PYGO1: variants seen among roughly 807,000 people sequenced by gnomAD.
PYGO1 encodes pygopus homolog 1.
Under a neutral mutation model 29.5 loss-of-function variants are expected in PYGO1, and 6 were observed. The ratio of observed to expected loss-of-function variants is 0.20; its 90% confidence interval spans 0.11 to 0.40. PYGO1 has a LOEUF of 0.40. PYGO1 is among the 10% of genes least tolerant of loss of function. PYGO1 has a pLI of 1.00. For synonymous variants in PYGO1, 186 were observed against 180.5 expected (o/e 1.03, Z -0.24); for missense variants, 515 against 514.9 (o/e 1.00, Z 0.00).
chr15:55,580,551 C>T (rs1002976462), intron 1 of PYGO1, among the ~76,000 whole-genome samples: 2 of 152,200 alleles, frequency 1.3e-5, no homozygotes, highest in African/African-American at 4.8e-5. Flanking sequence ...TCCAACAACT[C>T]CATGAGATAA....
At chr15:55,567,856 C>T (rs2058963696) in intron 1 of PYGO1, among the ~76,000 whole-genome samples, 1 of 152,122 alleles carries the variant, frequency 6.6e-6, no homozygotes, top group African/African-American at 2.4e-5. Flanking sequence ...GGGCCTTTCA[C>T]CATTGCTTGT....
At chr15:55,561,761 A>G (rs1417976067) in intron 1 of PYGO1, among the ~76,000 whole-genome samples, 1 of 152,216 alleles carries the variant, frequency 6.6e-6, no homozygotes, top group East Asian at 1.9e-4. Flanking sequence ...ACACTAAAAG[A>G]ATATCTAGGC....
intron 1 of PYGO1, among the ~76,000 whole-genome samples, 167 bp downstream of exon 1, chr15:55,587,668 C>T (rs939235545): frequency 6.6e-6 from 1 of 151,874 alleles, no homozygotes; most frequent in Non-Finnish European, 1.5e-5. Context: ...CCAGCGGGCG[C>T]CCGGGCCGCG....
At chr15:55,585,202 T>C (rs1316015191) in intron 1 of PYGO1, among the ~76,000 whole-genome samples, 1 of 152,240 alleles carries the variant, frequency 6.6e-6, no homozygotes, top group Non-Finnish European at 1.5e-5. Context: ...AATTGCTATA[T>C]GTGTGTATTT....
intron 1 of PYGO1, among the ~76,000 whole-genome samples, chr15:55,580,855 T>C (rs1272255340): frequency 6.6e-6 from 1 of 152,194 alleles, no homozygotes. Flanking sequence ...AAGACAGAAC[T>C]GTATCATCTT....
At chr15:55,581,203 G>A (rs1447160619) in intron 1 of PYGO1, among the ~76,000 whole-genome samples, 2 of 150,858 alleles carry the variant, frequency 1.3e-5, no homozygotes, top group South Asian at 2.1e-4. Context: ...CAACTGAACT[G>A]AAACTTTGAG....
At chr15:55,579,098 A>C (rs1362280510) in intron 1 of PYGO1, among the ~76,000 whole-genome samples, 1 of 152,208 alleles carries the variant, frequency 6.6e-6, no homozygotes, top group Non-Finnish European at 1.5e-5. Flanking sequence ...TGCTCTCCTC[A>C]AGGTCATTTT....
chr15:55,548,170 C>A (rs910186602), intron 2 of PYGO1, among the ~76,000 whole-genome samples: 1 of 151,992 alleles, frequency 6.6e-6, no homozygotes, highest in African/African-American at 2.4e-5. Flanking sequence ...CAGGAGTGTG[C>A]CACCACACCC....
chr15:55,548,707 T>TA lies in PYGO1; in HGVS notation c.135+202dup, dbSNP rs60796044. Among the ~76,000 whole-genome samples, 56 of 55,438 alleles carry TA rather than the reference T, an allele frequency of 1.0e-3. 5 individuals are homozygous for TA. Among genetic ancestry groups the TA allele is most frequent in the Non-Finnish European group, 1.3e-3 (45 of 33,452 alleles). The allele number at this position is 55,438 out of a possible 152,430, so 36.4% of individuals were successfully genotyped here. ...TCTGGCAACAGAGCAAGAATCCACCTAAAAAAAAAAAAAAAAAAAAAAAAA... is the reference window on the plus strand; with the variant it reads ...TCTGGCAACAGAGCAAGAATCCACCTAAAAAAAAAAAAAAAAAAAAAAAAAA... On this transcript the variant is annotated intron_variant, in intron 2 of 2. Coordinates refer to ENST00000563719, the MANE Select transcript of PYGO1 (RefSeq NM_001367806.1).
chr15:55,587,888 G>A lies in PYGO1; in HGVS notation c.-5C>T, dbSNP rs1217063683. 3 of 1,481,250 alleles carry A rather than the reference G, an allele frequency of 2.0e-6. No homozygotes were observed. The highest frequency in any genetic ancestry group is 2.8e-5 in the East Asian group (1 of 35,334). The allele number at this position is 1,481,250 out of a possible 1,614,324, so 91.8% of individuals were successfully genotyped here. A position where few individuals can be genotyped will look rare whatever the true frequency, so the allele number is the denominator to read the frequency against. On this transcript the variant is annotated 5_prime_UTR_variant, in exon 1 of 3. Transcript: ENST00000563719. Reference sequence around the variant, plus strand: ...CTTCTCCTGTTCTGCTGACATTACAGACCGCAAAGCATGACTCCCCCCCAG... The same window carrying A: ...CTTCTCCTGTTCTGCTGACATTACAAACCGCAAAGCATGACTCCCCCCCAG...
chr15:55,588,150 C>T lies in PYGO1; in HGVS notation c.-267G>A. ...CGGGAGCGCGGCCTGGGGGCGGCCC[C>T]CCACCCGGGGCCGGCATGTGCTGAG... is the stretch of plus-strand genomic sequence containing the variant. On this transcript the variant is annotated 5_prime_UTR_variant, in exon 1 of 3. Transcript: ENST00000563719. The T allele has an allele frequency of 3.1e-6, 2 of 646,886 alleles. No individual in the cohort carries two copies. Among genetic ancestry groups the T allele is most frequent in the Non-Finnish European group, 3.8e-6 (2 of 522,766 alleles). 40.1% of individuals were successfully genotyped at this position (646,886 alleles called of 1,614,324 possible).
Position 55,548,902 on chromosome 15 carries a change from C to T in PYGO1, c.135+8G>A, listed in dbSNP as rs1160151408. Reference sequence around the variant, plus strand: ...GAAAAACTTTTATTAAAGAAAATGTCAGTTTACCTGTGTATTTGCCTTGCG... The same window carrying T: ...GAAAAACTTTTATTAAAGAAAATGTTAGTTTACCTGTGTATTTGCCTTGCG... On this transcript the variant is annotated splice_region_variant and intron_variant, in intron 2 of 2. Coordinates refer to ENST00000563719, the MANE Select transcript of PYGO1 (RefSeq NM_001367806.1). 6.2e-7 allele frequency: 1 copy of T among 1,607,230 alleles called. No individual in the cohort carries two copies.
chr15:55,572,862 T>C (rs955587123), intron 1 of PYGO1, among the ~76,000 whole-genome samples: 23 of 151,262 alleles, frequency 1.5e-4, no homozygotes, highest in African/African-American at 5.1e-4. Context: ...GGATGTATTA[T>C]CAAAAAGACA....
intron 1 of PYGO1, among the ~76,000 whole-genome samples, chr15:55,554,468 CAAAAAAAAAAAAAAA>C (rs56216226): frequency 4.9e-5 from 6 of 122,880 alleles, no homozygotes; most frequent in Non-Finnish European, 9.7e-5. Context: ...GACTCTGTCT[CAAAAAAAAAAAAAAA>C]AAAAAAAAAA....
chr15:55,567,880 G>A (rs1254770521), intron 1 of PYGO1, among the ~76,000 whole-genome samples: 2 of 152,072 alleles, frequency 1.3e-5, no homozygotes, highest in Non-Finnish European at 2.9e-5. Flanking sequence ...TCTCAATTTT[G>A]TCAAATATCA....
chr15:55,584,844 A>C (rs538278035), intron 1 of PYGO1, among the ~76,000 whole-genome samples: 1 of 152,290 alleles, frequency 6.6e-6, no homozygotes, highest in South Asian at 2.1e-4. Flanking sequence ...AAATATAAGG[A>C]CAGTTTGGAA....
At chr15:55,588,944 G>C, upstream of PYGO1, 1 of 1,182,330 alleles carries the variant, frequency 8.5e-7, no homozygotes, top group Non-Finnish European at 1.2e-6. Flanking sequence ...TTAACGACTT[G>C]ACTCTTCAAG....
intron 1 of PYGO1, among the ~76,000 whole-genome samples, chr15:55,561,194 C>G (rs1302471984): frequency 6.6e-6 from 1 of 152,140 alleles, no homozygotes; most frequent in East Asian, 1.9e-4. Flanking sequence ...ACACCTACAA[C>G]CATCTGATCT....
intron 1 of PYGO1, among the ~76,000 whole-genome samples, chr15:55,566,003 G>A (rs187399651): frequency 1.3e-5 from 2 of 152,244 alleles, no homozygotes; most frequent in Non-Finnish European, 2.9e-5. Flanking sequence ...AGTTGGTCTC[G>A]AACTCCTGAC....
Sources: gnomAD v4.1 joint callset for allele counts (sites outside exome capture counted in the v4.1 genomes callset) on GRCh38, gnomAD v4.1.1 for gene constraint, MANE v1.5 for transcripts, NCBI Gene and HGNC (gene_info 2026-07-23, HGNC 2026-07-21) for gene names.